Variants in PXK observed in about 807,000 individuals in gnomAD.
PXK encodes PX domain-containing protein kinase-like protein.
In PXK, 35 loss-of-function variants were observed where a neutral mutation model predicts 84.7. That is an observed-to-expected ratio of 0.41 (90% CI 0.32 to 0.55). The LOEUF is 0.55. Among genes scored for constraint, PXK ranks in the 20% least tolerant of loss-of-function variants. The pLI, the probability that PXK is intolerant of heterozygous loss-of-function variation, is 0.21. For missense variants in PXK, 634 were observed against 699.7 expected (o/e 0.91, Z 1.06); for synonymous variants, 253 against 260.8 (o/e 0.97, Z 0.29).
intron 3 of PXK, 50 bp downstream of exon 3, chr3:58,369,528 A>T (rs1441145537): frequency 3.3e-6 from 5 of 1,516,584 alleles, no homozygotes; most frequent in Non-Finnish European, 4.6e-6. Flanking sequence ...TGGGGTGTCT[A>T]AAAAACTGGC....
At chr3:58,373,187 C>T (rs946793933) in intron 3 of PXK, among the ~76,000 whole-genome samples, 3 of 151,674 alleles carry the variant, frequency 2.0e-5, no homozygotes, top group Non-Finnish European at 4.4e-5. Flanking sequence ...ACGCCATTCT[C>T]CTGCCTCAGC....
rs2098255327 is a variant in PXK, at chr3:58,365,414, C to G, written c.103-460C>G. Among the ~76,000 whole-genome samples, 3 of 152,092 alleles carry G rather than the reference C, an allele frequency of 2.0e-5. No homozygotes were observed. The South Asian group carries it at 6.2e-4, about 32-fold the overall frequency. On this transcript the variant is annotated intron_variant, in intron 1 of 17. Coordinates refer to ENST00000356151, the MANE Select transcript of PXK (RefSeq NM_017771.5). ...GGCTCAGGATATGATCTGTATTGGTCTATGGTACGCATGATGACTTGGAAA... is the reference window on the plus strand; with the variant it reads ...GGCTCAGGATATGATCTGTATTGGTGTATGGTACGCATGATGACTTGGAAA...
rs376724427 is a variant in PXK, at chr3:58,359,584, C to T, written c.103-6290C>T. 3.0e-4 allele frequency among the ~76,000 whole-genome samples: 45 copies of T among 151,266 alleles called. No individual in the cohort carries two copies. In the South Asian group the frequency reaches 3.8e-3, roughly 13 times the overall value. On this transcript the variant is annotated intron_variant, in intron 1 of 17. Transcript: ENST00000356151. ...CCTCTGATACATGAAGCAATCGATG[C>T]GCAAAGTGATTTTTGTGATTTAACA...
At chr3:58,348,350 T>A (rs1337365462) in intron 1 of PXK, among the ~76,000 whole-genome samples, 1 of 152,212 alleles carries the variant, frequency 6.6e-6, no homozygotes, top group Non-Finnish European at 1.5e-5. Flanking sequence ...GGTCTCCTTC[T>A]GAACCACAGA....
Position 58,384,306 on chromosome 3 carries a change from G to A in PXK, c.388+1606G>A, listed in dbSNP as rs144898888. Among the ~76,000 whole-genome samples the A allele has an allele frequency of 2.9e-3, 440 of 152,296 alleles. 1 individual carries two copies. The highest frequency in any genetic ancestry group is 0.01 in the African/African-American group (425 of 41,554). On this transcript the variant is annotated intron_variant, in intron 4 of 17. Transcript: ENST00000356151. ...AGGTGATTTGCACGCACATTAAAGCGTGAGAAGCCTCACGCTAGGATGTAC... is the reference window on the plus strand; with the variant it reads ...AGGTGATTTGCACGCACATTAAAGCATGAGAAGCCTCACGCTAGGATGTAC...
At chr3:58,369,781 A>G (rs2098336684) in intron 3 of PXK, among the ~76,000 whole-genome samples, 2 of 149,616 alleles carry the variant, frequency 1.3e-5, no homozygotes, top group African/African-American at 5.0e-5. Context: ...CCGAGATCGC[A>G]CCATTGCACT....
intron 1 of PXK, among the ~76,000 whole-genome samples, chr3:58,348,258 G>A (rs2097856218): frequency 6.6e-6 from 1 of 152,156 alleles, no homozygotes; most frequent in Non-Finnish European, 1.5e-5. Flanking sequence ...CCATCCCTAA[G>A]CTGATCTGTT....
chr3:58,370,747 C>A lies in PXK; in HGVS notation c.201+1269C>A, dbSNP rs1302068974. Among the ~76,000 whole-genome samples the A allele has an allele frequency of 6.6e-6, 1 of 152,156 alleles. No homozygotes were observed. The highest frequency in any genetic ancestry group is 1.5e-5 in the Non-Finnish European group (1 of 68,040). On this transcript the variant is annotated intron_variant, in intron 3 of 17. Transcript: ENST00000356151. The surrounding 1 kb of genome is among the most constrained non-coding windows in gnomAD (Gnocchi z 4.2). ...CACGTCGTGGCTCACTCCCGTAATC[C>A]CAGCACTTTGGGAGGCTGAGGCGGG... is the stretch of plus-strand genomic sequence containing the variant.
chr3:58,373,118 G>A (rs981094295), intron 3 of PXK, among the ~76,000 whole-genome samples: 1 of 134,044 alleles, frequency 7.5e-6, no homozygotes, highest in Non-Finnish European at 1.7e-5. Flanking sequence ...TCGCTCTGTC[G>A]CCCAGGCTGG....
rs2058206926 is a variant in PXK, at chr3:58,399,310, G to C, written c.1114G>C (p.Glu372Gln). The C allele has an allele frequency of 6.2e-7, 1 of 1,614,128 alleles. No homozygotes were observed. The highest frequency in any genetic ancestry group is 2.2e-5 in the East Asian group (1 of 44,886). The change falls in exon 12 of 18, where the codon GAG (glutamate) becomes CAG (glutamine). Residue 372 changes from glutamate (E) to glutamine (Q), a missense_variant. Transcript: ENST00000356151. This position sits in a 1 kb window ranked among gnomAD's most constrained non-coding sequence, Gnocchi z 4.3. Reference sequence around the variant, plus strand: ...CTGTTCATTTCAAGTGGCCGTGTTGGAGTCTACGCTGTCTTGTGAAGCCTG... The same window carrying C: ...CTGTTCATTTCAAGTGGCCGTGTTGCAGTCTACGCTGTCTTGTGAAGCCTG... ...APSMAVVAVLESTLSCEACKN... is the reference protein window; with the variant it reads ...APSMAVVAVLQSTLSCEACKN...
rs1020179942 is a variant in PXK, at chr3:58,425,030, C to T, written c.*70C>T. The T allele has an allele frequency of 2.6e-6, 4 of 1,563,480 alleles. No homozygotes were observed. In the African/African-American group the frequency reaches 5.4e-5, roughly 21 times the overall value. On this transcript the variant is annotated 3_prime_UTR_variant, in exon 18 of 18. Coordinates refer to ENST00000356151, the MANE Select transcript of PXK (RefSeq NM_017771.5). Reference sequence around the variant, plus strand: ...ACTCACCCCTACCCCCCAAACTACCCTCTTCCTGGGAAAGTAATTGCTGAG... The same window carrying T: ...ACTCACCCCTACCCCCCAAACTACCTTCTTCCTGGGAAAGTAATTGCTGAG...
At chr3:58,424,190 T>A (rs977989814) in intron 17 of PXK, among the ~76,000 whole-genome samples, 1 of 152,236 alleles carries the variant, frequency 6.6e-6, no homozygotes, top group African/African-American at 2.4e-5. Flanking sequence ...GGGAAATGCA[T>A]AACCCAGGAG....
Position 58,333,056 on chromosome 3 carries a change from C to T in PXK, c.68C>T (p.Ala23Val). The T allele has an allele frequency of 7.5e-7, 1 of 1,337,550 alleles. No homozygotes were observed. The allele number at this position is 1,337,550 out of a possible 1,614,324, so 82.9% of individuals were successfully genotyped here. Residue 23 changes from alanine to valine, a missense_variant, in exon 1 of 18, where the codon GCC (alanine) becomes GTC (valine). By Grantham distance (64) the Ala-to-Val change is moderately conservative. Transcript: ENST00000356151. The surrounding 1 kb of genome is among the most constrained non-coding windows in gnomAD (Gnocchi z 5.4). ...GACGACACGGTGCCGCTGACAGCAG[C>T]CATCGAGGCGAGCCAGAGCCTGCAG... is the stretch of plus-strand genomic sequence containing the variant. Reference protein sequence around the residue: ...LLDDTVPLTAAIEASQSLQSH... With the variant: ...LLDDTVPLTAVIEASQSLQSH...
intron 2 of PXK, among the ~76,000 whole-genome samples, chr3:58,367,513 G>A (rs1272134985): frequency 6.6e-6 from 1 of 152,084 alleles, no homozygotes; most frequent in Admixed American, 6.5e-5. Flanking sequence ...CCAAAGTGTT[G>A]GGATTACAGA....
At position 58,369,498 on chromosome 3, in the gene PXK, A is replaced by C. The variant is rs1169930641; in HGVS notation, c.201+20A>C. On this transcript the variant is annotated intron_variant, in intron 3 of 17. Coordinates refer to ENST00000356151, the MANE Select transcript of PXK (RefSeq NM_017771.5). ...TTACAGGTAAATGTTTTGAAATTCT[A>C]ATTACACACATTGATTACTTGGGGT... The C allele has an allele frequency of 6.3e-7, 1 of 1,592,028 alleles. No individual in the cohort carries two copies. The highest frequency in any genetic ancestry group is 8.6e-7 in the Non-Finnish European group (1 of 1,160,584).
In PXK at chr3:58,398,582, G is replaced by T. The variant is rs1018798150; in HGVS notation, c.1103-717G>T. Among the ~76,000 whole-genome samples, 1 of 152,070 alleles carries T rather than the reference G, an allele frequency of 6.6e-6. No individual in the cohort carries two copies. Among genetic ancestry groups the T allele is most frequent in the African/African-American group, 2.4e-5 (1 of 41,404 alleles). On this transcript the variant is annotated intron_variant, in intron 11 of 17. Transcript: ENST00000356151. The surrounding 1 kb of genome is among the most constrained non-coding windows in gnomAD (Gnocchi z 4.5). ...GAGGGGAGCTGGAGGACAAGTGAGA[G>T]CACCTTTAGGAAGGAGGGATGCAGG...
Position 58,409,377 on chromosome 3 carries a change from T to A in PXK, c.1309-155T>A, listed in dbSNP as rs1244292198. Among the ~76,000 whole-genome samples, 2 of 152,202 alleles carry A rather than the reference T, an allele frequency of 1.3e-5. No individual in the cohort carries two copies. The highest frequency in any genetic ancestry group is 4.8e-5 in the African/African-American group (2 of 41,442). On this transcript the variant is annotated intron_variant, in intron 14 of 17. Coordinates refer to ENST00000356151, the MANE Select transcript of PXK (RefSeq NM_017771.5). The surrounding 1 kb of genome is among the most constrained non-coding windows in gnomAD (Gnocchi z 4.2). ...TCTTCCTTTGGCATACTCCTCTACCTGGCATCCAGACCCGAGCCAGGAAGT... is the reference window on the plus strand; with the variant it reads ...TCTTCCTTTGGCATACTCCTCTACCAGGCATCCAGACCCGAGCCAGGAAGT...
intron 3 of PXK, among the ~76,000 whole-genome samples, chr3:58,377,655 G>A (rs1290214769): frequency 1.3e-5 from 2 of 150,350 alleles, no homozygotes; most frequent in Non-Finnish European, 3.0e-5. Flanking sequence ...TTTAAATAAT[G>A]TGGAAAATGA....
At chr3:58,389,082 G>T (rs1342096054) in intron 4 of PXK, among the ~76,000 whole-genome samples, 2 of 152,074 alleles carry the variant, frequency 1.3e-5, no homozygotes, top group African/African-American at 4.8e-5. Flanking sequence ...ATTTCTTAAT[G>T]CAAAGAACTT....
Sources: allele counts gnomAD v4.1 joint callset (sites outside exome capture counted in the v4.1 genomes callset), GRCh38; gene constraint gnomAD v4.1.1; non-coding constraint Gnocchi (gnomAD v3.1); transcripts MANE v1.5; gene names NCBI Gene and HGNC (gene_info 2026-07-23, HGNC 2026-07-21).